Variants in NEMF observed in about 807,000 individuals in gnomAD.
NEMF encodes ribosome quality control complex subunit NEMF.
Under a neutral mutation model 162.2 loss-of-function variants are expected in NEMF, and 89 were observed. The ratio of observed to expected loss-of-function variants is 0.55; its 90% CI spans 0.46 to 0.65. NEMF has a LOEUF of 0.65. Ranked by LOEUF, NEMF falls within the 30% of genes least tolerant of loss-of-function variation. The pLI is 0.00. For missense variants in NEMF, 1,133 were observed against 1,261.9 expected, an observed-to-expected ratio of 0.90 and a Z score of 1.55; for synonymous variants, 421 against 404.5, an observed-to-expected ratio of 1.04 and a Z score of -0.49.
At chr14:49,830,746 C>G (rs1892594096) in intron 11 of NEMF, among the ~76,000 whole-genome samples, 1 of 152,212 alleles carries the variant, frequency 6.6e-6, no homozygotes, top group Non-Finnish European at 1.5e-5. Context: ...AATCAAATCC[C>G]CTTCAAATCA....
At chr14:49,838,663 C>T (rs572695300) in intron 5 of NEMF, among the ~76,000 whole-genome samples, 34 of 150,374 alleles carry the variant, frequency 2.3e-4, no homozygotes, top group Admixed American at 1.9e-3. Flanking sequence ...CGGCTCGCTA[C>T]AAGCTCCGCC....
rs139642119 is a variant in NEMF at position 49,845,618 on chromosome 14, A to G, written c.357+522T>C. On this transcript the variant is annotated intron_variant, in intron 4 of 32. Transcript: ENST00000298310. ...TCCATATTCTCTAAGCTTTTTTTCCATTTTAAATTGTTTTGTTTTTACTTT... is the reference window on the plus strand; with the variant it reads ...TCCATATTCTCTAAGCTTTTTTTCCGTTTTAAATTGTTTTGTTTTTACTTT... Among the ~76,000 whole-genome samples the G allele has an allele frequency of 2.2e-4, 34 of 152,066 alleles. No individual in the cohort carries two copies. The East Asian group carries it at 5.8e-3, about 26-fold the overall frequency.
intron 1 of NEMF, 62 bp downstream of exon 1, chr14:49,852,633 T>C (rs1045930331): frequency 1.9e-6 from 3 of 1,564,980 alleles, no homozygotes; most frequent in Non-Finnish European, 1.8e-6. Context: ...GTTTGCGCCA[T>C]GGGACTCCGG....
At position 49,843,656 on chromosome 14, in the gene NEMF, C is replaced by A. The variant is rs146630476; in HGVS notation, c.357+2484G>T. Among the ~76,000 whole-genome samples the A allele has an allele frequency of 9.2e-5, 14 of 152,250 alleles. No homozygotes were observed. In the East Asian group the frequency reaches 2.3e-3, roughly 25 times the overall value. The stretch of plus-strand genomic sequence containing the variant: ...AGACGGTGTAGCCTAATACATCCAC[C>A]AAAGATATGATATAACCTATTGCTC... On this transcript the variant is annotated intron_variant, in intron 4 of 32. Coordinates refer to ENST00000298310, the MANE Select transcript of NEMF (RefSeq NM_004713.6).
chr14:49,802,742 G>C lies in NEMF; in HGVS notation c.1916-15C>G. On this transcript the variant is annotated splice_polypyrimidine_tract_variant and intron_variant, in intron 20 of 32. Coordinates refer to ENST00000298310, the MANE Select transcript of NEMF (RefSeq NM_004713.6). ...ATTCTTTTTTCCTACAAAAGATAAC[G>C]TACATTAATGCTTTGAAAATCAGTC... The C allele has an allele frequency of 6.3e-7, 1 of 1,588,140 alleles. No individual in the cohort carries two copies. The highest frequency in any genetic ancestry group is 8.6e-7 in the Non-Finnish European group (1 of 1,161,044).
At position 49,834,352 on chromosome 14, in the gene NEMF, T is replaced by C. The variant is rs149734199; in HGVS notation, c.661+11A>G. The C allele has an allele frequency of 3.9e-6, 6 of 1,548,186 alleles. No individual in the cohort carries two copies. Among genetic ancestry groups the C allele is most frequent in the African/African-American group, 2.7e-5 (2 of 73,400 alleles). ...AATGAAATAAATGAAAAATGTACCA[T>C]GCAGACATACCTTTAGTTTCAAGTT... On this transcript the variant is annotated intron_variant, in intron 7 of 32. Transcript: ENST00000298310.
rs762123944 is a variant in NEMF, at chr14:49,789,288, T to C, written c.2753A>G (p.Lys918Arg). 1.9e-6 allele frequency: 3 copies of C among 1,614,092 alleles called. No homozygotes were observed. The highest frequency in any genetic ancestry group is 2.5e-6 in the Non-Finnish European group (3 of 1,180,052). ...GGGCTGTTTCTTCACAGGTTCGTCC[T>C]TTGTTTTTCCTTTCTTCCCCTTCTT... ...KGKKGKKGKT[K>R]DEPVKKQPQK... The change falls in exon 28 of 33, where the codon AAG becomes AGG. Residue 918 changes from lysine to arginine, a missense_variant. Physicochemically the swap from Lys to Arg is conservative, Grantham distance 26. Transcript: ENST00000298310.
chr14:49,845,927 T>C (rs1166800134), intron 4 of NEMF: 11 of 555,078 alleles, frequency 2.0e-5, no homozygotes, highest in Non-Finnish European at 2.9e-5. Flanking sequence ...ATAAGGCTAT[T>C]CTAAATGGCT....
At chr14:49,849,592 A>G (rs1208449232) in intron 3 of NEMF, 2 of 152,194 alleles carry the variant, frequency 1.3e-5, no homozygotes, top group Non-Finnish European at 2.9e-5. Context: ...CGTACACCTA[A>G]CCCATAGAAT....
In NEMF at chr14:49,785,103, T is replaced by G. The variant is rs1417749990; in HGVS notation, c.3062A>C (p.Lys1021Thr). 6.2e-7 allele frequency: 1 copy of G among 1,606,314 alleles called. No homozygotes were observed. The highest frequency in any genetic ancestry group is 1.7e-5 in the Admixed American group (1 of 59,942). The stretch of plus-strand genomic sequence containing the variant: ...ACAAATTTAAATACCTTTTCCCTTT[T>G]TCTGCACTCCAGGAGTAAGTTTCAC... ...YKVKLTPGVQ[K>T]KGKAAKTALN... Residue 1021 changes from lysine (K) to threonine (T), a missense_variant, in exon 31 of 33, where the codon AAA (lysine) becomes ACA (threonine). Physicochemically the swap from Lys to Thr is moderately conservative, Grantham distance 78 (BLOSUM62 -1). Transcript: ENST00000298310.
chr14:49,803,051 C>G (rs962069766), intron 20 of NEMF, among the ~76,000 whole-genome samples, 186 bp downstream of exon 20: 1 of 152,154 alleles, frequency 6.6e-6, no homozygotes, highest in African/African-American at 2.4e-5. Context: ...TAAAAATATA[C>G]ATGAAGAAGA....
In NEMF at chr14:49,800,442, A is replaced by G; in HGVS notation, c.2350T>C (p.Leu784=). The G allele has an allele frequency of 6.2e-7, 1 of 1,612,982 alleles. No homozygotes were observed. The highest frequency in any genetic ancestry group is 8.5e-7 in the Non-Finnish European group (1 of 1,179,404). ...TACCTTTGGGGTTGAAGGTGAGACA[A>G]GTCAATGGTAGTATCAGGATAATTT... ...TLNYPDTTID[L]SHLQPQRSIQ... The change falls in exon 23 of 33, where the codon TTG becomes CTG. Residue 784 remains leucine, a synonymous_variant. Transcript: ENST00000298310.
intron 11 of NEMF, among the ~76,000 whole-genome samples, chr14:49,830,902 TA>T (rs1471912936): frequency 6.6e-6 from 1 of 152,186 alleles, no homozygotes; most frequent in Non-Finnish European, 1.5e-5. Flanking sequence ...AAAGTCCATT[TA>T]AAAAAGAAAC....
chr14:49,825,778 T>G, intron 16 of NEMF, 89 bp downstream of exon 16: 1 of 844,074 alleles, frequency 1.2e-6, no homozygotes, highest in East Asian at 2.6e-5. Flanking sequence ...TGTAACAAGC[T>G]TTGTAGAACT....
At position 49,782,682 on chromosome 14, in the gene NEMF, T is replaced by C; in HGVS notation, c.*1954A>G. 1.5e-6 allele frequency: 2 copies of C among 1,360,102 alleles called. No homozygotes were observed. The highest frequency in any genetic ancestry group is 2.3e-5 in the Admixed American group (1 of 44,390). 84.3% of individuals were successfully genotyped at this position (1,360,102 alleles called of 1,614,324 possible). A position where few individuals can be genotyped will look rare whatever the true frequency, so the allele number is the denominator to read the frequency against. The stretch of plus-strand genomic sequence containing the variant: ...CTCGAAAAACTAGGTTTATGGATTA[T>C]TTAAGGGCAATAAAACTTCATTGCT... On this transcript the variant is annotated 3_prime_UTR_variant, in exon 33 of 33. Transcript: ENST00000298310.
intron 6 of NEMF, among the ~76,000 whole-genome samples, chr14:49,835,314 G>C: frequency 6.6e-6 from 1 of 152,084 alleles, no homozygotes; most frequent in Non-Finnish European, 1.5e-5. Flanking sequence ...AATTTAATGG[G>C]CTTCAACCAC....
chr14:49,803,338 C>T (rs1252912857), intron 19 of NEMF, 44 bp from the exon 20 acceptor site: 2 of 1,357,080 alleles, frequency 1.5e-6, no homozygotes, highest in East Asian at 2.5e-5. Flanking sequence ...TAAAAAAATA[C>T]TCTAGTTTTC....
chr14:49,842,749 G>A (rs928518461), intron 4 of NEMF, among the ~76,000 whole-genome samples: 1 of 152,254 alleles, frequency 6.6e-6, no homozygotes, highest in Non-Finnish European at 1.5e-5. Flanking sequence ...GCTCACGCCT[G>A]TAATCCCAGC....
intron 7 of NEMF, chr14:49,834,041 C>T (rs144049859): frequency 4.5e-4 from 199 of 446,590 alleles, no homozygotes; most frequent in South Asian, 1.7e-3. Context: ...GAAACTAAAA[C>T]ATTCACTAAA....
Sources: gnomAD v4.1 joint callset for allele counts (sites outside exome capture counted in the v4.1 genomes callset) on GRCh38, gnomAD v4.1.1 for gene constraint, MANE v1.5 for transcripts, NCBI Gene and HGNC (gene_info 2026-07-23, HGNC 2026-07-21) for gene names.